The following CUX1 variants were observed in gnomAD, a reference collection of about 807,000 sequenced individuals.
The protein encoded by CUX1 is protein CASP.
CUX1 carries 31 observed loss-of-function variants against 158.8 expected under a neutral mutation model. The observed-to-expected ratio is 0.20, with a 90% CI of 0.15 to 0.26. The LOEUF (loss-of-function observed/expected upper bound fraction) is 0.26, where lower values mean the gene tolerates loss of function less well. CUX1 is among the 10% of genes least tolerant of loss of function. The probability of loss-of-function intolerance (pLI) is 1.00; values close to 1 mark genes in which losing one functional copy is unlikely to be tolerated. For synonymous variants in CUX1, 879 were observed against 862.1 expected (o/e 1.02, Z -0.34); for missense variants, 1,589 against 2,014.6 (o/e 0.79, Z 4.04).
Position 101,983,203 on chromosome 7 carries a change from C to T in CUX1, c.142-44895C>T, listed in dbSNP as rs373158789. On this transcript the variant is annotated intron_variant, in intron 2 of 23. Transcript: ENST00000292535. Reference sequence around the variant, plus strand: ...GCTGGGGATGTGGGATGGGCATATACGTGTTTTGAATATAAGATCTTTCTT... The same window carrying T: ...GCTGGGGATGTGGGATGGGCATATATGTGTTTTGAATATAAGATCTTTCTT... Among the ~76,000 whole-genome samples, 8 of 152,294 alleles carry T rather than the reference C, an allele frequency of 5.3e-5. No homozygotes were observed. The Middle Eastern group carries it at 0.01, about 194-fold the overall frequency.
In CUX1 at chr7:102,252,191, C is replaced by G. The variant is rs1586451689; in HGVS notation, c.*3149C>G. 1.0e-6 allele frequency: 1 copy of G among 985,436 alleles called. No individual in the cohort carries two copies. Among genetic ancestry groups the G allele is most frequent in the South Asian group, 4.7e-5 (1 of 21,290 alleles). 61.0% of individuals were successfully genotyped at this position (985,436 alleles called of 1,614,324 possible). On this transcript the variant is annotated 3_prime_UTR_variant, in exon 24 of 24. Transcript: ENST00000292535. ...GAAGCTAGCACTGTCTGTAATACTT[C>G]TAAGAGCTGCCACTAAAATAATACA...
chr7:101,831,013 C>A (rs1360260763), intron 1 of CUX1, among the ~76,000 whole-genome samples: 2 of 152,022 alleles, frequency 1.3e-5, no homozygotes, highest in Admixed American at 1.3e-4. Flanking sequence ...CTGTTCAAGC[C>A]CCTGGGTTAC....
At chr7:102,051,759 CTGGATGACAGG>C (rs1330319952) in intron 3 of CUX1, among the ~76,000 whole-genome samples, 2 of 152,078 alleles carry the variant, frequency 1.3e-5, no homozygotes, top group Non-Finnish European at 2.9e-5. Context: ...GACCAGGCAG[CTGGATGACAGG>C]TGGATGTGGA....
rs1394238301 is a variant in CUX1, at chr7:102,028,175, A to C, written c.189+30A>C. 2.8e-5 allele frequency: 45 copies of C among 1,612,160 alleles called. No individual in the cohort carries two copies. The East Asian group carries it at 1.0e-3, about 36-fold the overall frequency. On this transcript the variant is annotated intron_variant, in intron 3 of 23. Coordinates refer to ENST00000292535, the MANE Select transcript of CUX1 (RefSeq NM_181552.4). ...GCTTTTCTATTCATTTTCTATCCTG[A>C]GCCACCCTTCGTGGCTAATTGGTCT...
intron 2 of CUX1, among the ~76,000 whole-genome samples, chr7:101,984,077 C>CAAAAAAA (rs1181549351): frequency 3.0e-4 from 5 of 16,762 alleles, no homozygotes; most frequent in Admixed American, 7.7e-4. Context: ...TGTCCCCCCC[C>CAAAAAAA]AAAAAAAAAA....
At chr7:101,914,006 C>T (rs1803826995) in intron 1 of CUX1, among the ~76,000 whole-genome samples, 1 of 152,010 alleles carries the variant, frequency 6.6e-6, no homozygotes. Flanking sequence ...GCTGTGACTG[C>T]TCCTCTCTTA....
intron 13 of CUX1, 29 bp downstream of exon 13, chr7:102,193,919 T>C (rs782755405): frequency 6.2e-7 from 1 of 1,611,668 alleles, no homozygotes; most frequent in South Asian, 1.1e-5. Context: ...TGGTCAGCAC[T>C]AGCATCAGCC....
intron 1 of CUX1, among the ~76,000 whole-genome samples, chr7:101,853,051 A>G (rs1344673108): frequency 2.0e-5 from 3 of 152,176 alleles, no homozygotes; most frequent in Non-Finnish European, 4.4e-5. Context: ...CATACCATGC[A>G]TTTTGGTTGC....
In CUX1 at chr7:102,216,885, TCACACACACA is replaced by T. The variant is rs35680063; in HGVS notation, c.3131-10469_3131-10460del. Among the ~76,000 whole-genome samples the T allele has an allele frequency of 2.6e-3, 382 of 149,606 alleles. 4 individuals are homozygous for T. The highest frequency in any genetic ancestry group is 9.0e-3 in the African/African-American group (366 of 40,468). On this transcript the variant is annotated intron_variant, in intron 20 of 23. Transcript: ENST00000292535. Reference sequence around the variant, plus strand: ...CACATTCTCTCACACACACATTATCTCACACACACACACACACACACATTTGCAGTGATTA... The same window carrying T: ...CACATTCTCTCACACACACATTATCTCACACACACACATTTGCAGTGATTA...
intron 20 of CUX1, among the ~76,000 whole-genome samples, chr7:102,209,216 A>T (rs1185492267): frequency 6.6e-6 from 1 of 151,978 alleles, no homozygotes; most frequent in African/African-American, 2.4e-5. Context: ...TTCCTTAATG[A>T]CTTAGACGCC....
rs970036361 is a variant in CUX1, at chr7:102,258,092, C to G, written c.*9050C>G. On this transcript the variant is annotated 3_prime_UTR_variant, in exon 24 of 24. Transcript: ENST00000292535. The stretch of plus-strand genomic sequence containing the variant: ...GTCCCTCTGTCTTTGGTTAGCCATA[C>G]GATGTTTGTTCTCAGCACTGTACAA... The G allele has an allele frequency of 1.0e-6, 1 of 985,110 alleles. No individual in the cohort carries two copies. 61.0% of individuals were successfully genotyped at this position (985,110 alleles called of 1,614,324 possible). A position where few individuals can be genotyped will look rare whatever the true frequency, so the allele number is the denominator to read the frequency against.
At chr7:101,847,963 C>T (rs952401662) in intron 1 of CUX1, among the ~76,000 whole-genome samples, 7 of 137,680 alleles carry the variant, frequency 5.1e-5, no homozygotes, top group East Asian at 2.4e-4. Flanking sequence ...GAGGCTGAGG[C>T]GGGAGAATCA....
At chr7:101,987,237 T>C (rs2129231686) in intron 2 of CUX1, among the ~76,000 whole-genome samples, 1 of 152,322 alleles carries the variant, frequency 6.6e-6, no homozygotes, top group South Asian at 2.1e-4. Flanking sequence ...GTGGGGCAAA[T>C]GCTTGCACAG....
chr7:102,134,150 A>T (rs1833641486), intron 8 of CUX1, among the ~76,000 whole-genome samples: 1 of 152,192 alleles, frequency 6.6e-6, no homozygotes, highest in South Asian at 2.1e-4. Flanking sequence ...AGTCTGGCCA[A>T]CATGGTGAAA....
intron 1 of CUX1, among the ~76,000 whole-genome samples, chr7:101,873,281 C>T (rs1325763080): frequency 6.7e-6 from 1 of 148,678 alleles, no homozygotes; most frequent in Non-Finnish European, 1.5e-5. Context: ...TGGTGGTTTG[C>T]TGCACCTAGG....
At chr7:102,221,961 TA>T (rs1227477006) in intron 20 of CUX1, among the ~76,000 whole-genome samples, 7 of 151,948 alleles carry the variant, frequency 4.6e-5, no homozygotes, top group African/African-American at 1.7e-4. Flanking sequence ...GTAGGTGCTT[TA>T]AAAATATGTG....
intron 2 of CUX1, among the ~76,000 whole-genome samples, chr7:101,931,774 C>A (rs529355502): frequency 6.6e-6 from 1 of 152,098 alleles, no homozygotes; most frequent in Non-Finnish European, 1.5e-5. Flanking sequence ...ATGTTACGCA[C>A]GCTGGTCTCA....
intron 8 of CUX1, among the ~76,000 whole-genome samples, chr7:102,131,021 C>T (rs1833162336): frequency 2.0e-5 from 3 of 151,038 alleles, no homozygotes; most frequent in South Asian, 2.1e-4. Flanking sequence ...TGGTGGTACA[C>T]GCCTGTAGTC....
At chr7:101,935,004 G>T (rs1187513782) in intron 2 of CUX1, among the ~76,000 whole-genome samples, 1 of 152,108 alleles carries the variant, frequency 6.6e-6, no homozygotes, top group Middle Eastern at 3.2e-3. Context: ...CAGCTGCTGG[G>T]ACAGATCCGA....
Sources: allele counts gnomAD v4.1 joint callset (sites outside exome capture counted in the v4.1 genomes callset), GRCh38; gene constraint gnomAD v4.1.1; transcripts MANE v1.5; gene names NCBI Gene and HGNC (gene_info 2026-07-23, HGNC 2026-07-21).